The following ELOVL4 variants were observed in gnomAD, a reference collection of about 807,000 sequenced individuals.
ELOVL4 encodes the protein ELOVL fatty acid elongase 4.
Under a neutral mutation model 42.1 loss-of-function variants are expected in ELOVL4, and 18 were observed. The observed-to-expected ratio is 0.43, with a 90% CI of 0.30 to 0.63. ELOVL4 has a LOEUF of 0.63. Among genes scored for constraint, ELOVL4 ranks in the 30% least tolerant of loss-of-function variants. The pLI, the probability that ELOVL4 is intolerant of heterozygous loss-of-function variation, is 0.15. For synonymous variants in ELOVL4, 117 were observed against 127.0 expected (o/e 0.92, Z 0.53); for missense variants, 299 against 376.2 (o/e 0.79, Z 1.70).
At chr6:79,944,548 G>A (rs1357034529) in intron 1 of ELOVL4, among the ~76,000 whole-genome samples, 1 of 152,110 alleles carries the variant, frequency 6.6e-6, no homozygotes, top group Non-Finnish European at 1.5e-5. Context: ...CATTTTTGTT[G>A]TTAACATTAT....
chr6:79,936,044 G>A (rs1195542015), intron 1 of ELOVL4, among the ~76,000 whole-genome samples: 2 of 152,242 alleles, frequency 1.3e-5, no homozygotes, highest in East Asian at 3.9e-4. Flanking sequence ...TCAGAAATGT[G>A]AGCCTACTTT....
intron 1 of ELOVL4, among the ~76,000 whole-genome samples, chr6:79,928,856 C>A (rs191489): frequency 2.6e-5 from 4 of 150,956 alleles, no homozygotes; most frequent in Non-Finnish European, 5.9e-5. Flanking sequence ...CCACCTGCCT[C>A]AGCCTCCTGA....
intron 3 of ELOVL4, among the ~76,000 whole-genome samples, chr6:79,922,444 G>A (rs1774274447): frequency 6.6e-6 from 1 of 152,066 alleles, no homozygotes; most frequent in Middle Eastern, 3.2e-3. Context: ...TTCTTTTCCT[G>A]GGCTCTAATT....
intron 1 of ELOVL4, among the ~76,000 whole-genome samples, chr6:79,930,614 G>A (rs1403121017): frequency 6.6e-6 from 1 of 151,944 alleles, no homozygotes; most frequent in Non-Finnish European, 1.5e-5. Context: ...GCCATACAAC[G>A]ATATGAAAAT....
At chr6:79,924,341 A>T (rs1774309102) in intron 3 of ELOVL4, among the ~76,000 whole-genome samples, 1 of 152,198 alleles carries the variant, frequency 6.6e-6, no homozygotes, top group African/African-American at 2.4e-5. Flanking sequence ...ACAAACAAAA[A>T]TCTAAAATAA....
At chr6:79,930,003 T>C (rs1476451772) in intron 1 of ELOVL4, among the ~76,000 whole-genome samples, 1 of 152,232 alleles carries the variant, frequency 6.6e-6, no homozygotes, top group Non-Finnish European at 1.5e-5. Context: ...AAAAGCACAT[T>C]TGTTGATATT....
chr6:79,941,633 G>T (rs139853881), intron 1 of ELOVL4, among the ~76,000 whole-genome samples: 1 of 152,136 alleles, frequency 6.6e-6, no homozygotes, highest in Admixed American at 6.5e-5. Flanking sequence ...GGGCTGAGGT[G>T]GGCAGATCAC....
Position 79,916,491 on chromosome 6 carries a change from A to G in ELOVL4, c.*117T>C, listed in dbSNP as rs1182558140. Reference sequence around the variant, plus strand: ...CAGTCTAAGAGTTACTAGGACATAGAGCACATTTGTCTTTTCTCCCCACCC... The same window carrying G: ...CAGTCTAAGAGTTACTAGGACATAGGGCACATTTGTCTTTTCTCCCCACCC... On this transcript the variant is annotated 3_prime_UTR_variant, in exon 6 of 6. Coordinates refer to ENST00000369816, the MANE Select transcript of ELOVL4 (RefSeq NM_022726.4). 4 of 1,127,464 alleles carry G rather than the reference A, an allele frequency of 3.5e-6. No individual in the cohort carries two copies. The highest frequency in any genetic ancestry group is 2.3e-5 in the East Asian group (1 of 42,684). The allele number at this position is 1,127,464 out of a possible 1,614,324, so 69.8% of individuals were successfully genotyped here. A position where few individuals can be genotyped will look rare whatever the true frequency, so the allele number is the denominator to read the frequency against.
chr6:79,921,613 G>C lies in ELOVL4; in HGVS notation c.541+12C>G. 1 of 1,613,210 alleles carries C rather than the reference G, an allele frequency of 6.2e-7. No homozygotes were observed. The highest frequency in any genetic ancestry group is 1.3e-5 in the African/African-American group (1 of 74,884). On this transcript the variant is annotated intron_variant, in intron 4 of 5. Transcript: ENST00000369816. ...AATTAAACGCAAGCAGTATATTCCT[G>C]AAAATGCTCACCTTGTCCTCCTGCA...
At chr6:79,926,483 A>T in intron 1 of ELOVL4, 102 bp from the exon 2 acceptor site, 3 of 1,166,828 alleles carry the variant, frequency 2.6e-6, no homozygotes, top group Non-Finnish European at 3.7e-6. Context: ...TCCTAATTTG[A>T]CTAAATACGG....
chr6:79,925,380 C>CT (rs1774326270), intron 2 of ELOVL4, among the ~76,000 whole-genome samples: 1 of 152,116 alleles, frequency 6.6e-6, no homozygotes, highest in Non-Finnish European at 1.5e-5. Context: ...TGGTTTGCAT[C>CT]TAACAAATTA....
At chr6:79,919,042 A>G (rs343618) in intron 5 of ELOVL4, among the ~76,000 whole-genome samples, 35,303 of 152,086 alleles carry the variant, frequency 0.23, 5,982 homozygotes, top group African/African-American at 0.48. Context: ...AAGATGAAGA[A>G]AGGTAATAAA....
chr6:79,941,705 C>T (rs1774647965), intron 1 of ELOVL4, among the ~76,000 whole-genome samples: 1 of 152,006 alleles, frequency 6.6e-6, no homozygotes, highest in Non-Finnish European at 1.5e-5. Context: ...CTATGAAAAA[C>T]AAAAACAAAA....
In ELOVL4 at chr6:79,916,853, C is replaced by A. The variant is rs1326683019; in HGVS notation, c.700G>T (p.Ala234Ser). The change falls in exon 6 of 6, where the codon GCA becomes TCA. Residue 234 changes from alanine to serine, a missense_variant. Coordinates refer to ENST00000369816, the MANE Select transcript of ELOVL4 (RefSeq NM_022726.4). ...GGGCAGTCAGTGTAAAGAGACAGTG[C>A]CGTGTGCCCAATGGTCACATGGAAT... Reference protein sequence around the residue: ...IQFHVTIGHTALSLYTDCPFP... With the variant: ...IQFHVTIGHTSLSLYTDCPFP... 1.9e-6 allele frequency: 3 copies of A among 1,613,960 alleles called. No individual in the cohort carries two copies. Among genetic ancestry groups the A allele is most frequent in the Non-Finnish European group, 2.5e-6 (3 of 1,180,008 alleles).
intron 1 of ELOVL4, among the ~76,000 whole-genome samples, chr6:79,942,174 C>T (rs1437230932): frequency 6.6e-6 from 1 of 152,006 alleles, no homozygotes; most frequent in Non-Finnish European, 1.5e-5. Context: ...GTGAGTTATC[C>T]CAGTTGGCTA....
chr6:79,923,681 T>C (rs922942676), intron 3 of ELOVL4, among the ~76,000 whole-genome samples: 1 of 152,212 alleles, frequency 6.6e-6, no homozygotes, highest in African/African-American at 2.4e-5. Context: ...GTCTGCCTTC[T>C]CACCCTCACT....
intron 1 of ELOVL4, among the ~76,000 whole-genome samples, chr6:79,937,611 T>C (rs1432194943): frequency 6.6e-6 from 1 of 151,786 alleles, no homozygotes; most frequent in African/African-American, 2.4e-5. Context: ...ACACAGTGCC[T>C]GACACTTAGT....
chr6:79,926,603 C>T (rs1203940771), intron 1 of ELOVL4, among the ~76,000 whole-genome samples: 1 of 152,184 alleles, frequency 6.6e-6, no homozygotes, highest in Non-Finnish European at 1.5e-5. Flanking sequence ...TTATGTCACA[C>T]ATTATGTTTT....
chr6:79,917,283 A>T (rs183501928), intron 5 of ELOVL4, among the ~76,000 whole-genome samples: 1 of 152,308 alleles, frequency 6.6e-6, no homozygotes, highest in African/African-American at 2.4e-5. Context: ...CATCAGGATC[A>T]ATGAATATGT....
Sources: allele counts gnomAD v4.1 joint callset (sites outside exome capture counted in the v4.1 genomes callset), GRCh38; gene constraint gnomAD v4.1.1; transcripts MANE v1.5; gene names NCBI Gene and HGNC (gene_info 2026-07-23, HGNC 2026-07-21).